Variants in HNRNPH1 observed in about 807,000 individuals in gnomAD.
HNRNPH1 encodes the protein heterogeneous nuclear ribonucleoprotein H.
Under a neutral mutation model 58.6 loss-of-function variants are expected in HNRNPH1, and 4 were observed. The observed-to-expected ratio is 0.07, with a 90% confidence interval of 0.03 to 0.16. HNRNPH1 has a LOEUF of 0.16. Among genes scored for constraint, HNRNPH1 ranks in the 10% least tolerant of loss-of-function variants. The probability of loss-of-function intolerance (pLI) is 1.00; values close to 1 mark genes in which losing one functional copy is unlikely to be tolerated. For synonymous variants in HNRNPH1, 192 were observed against 189.2 expected (o/e 1.01, Z -0.12); for missense variants, 271 against 564.2 (o/e 0.48, Z 5.26).
upstream of HNRNPH1, among the ~76,000 whole-genome samples, chr5:179,627,256 A>AG (rs1774480111): frequency 6.6e-6 from 1 of 152,078 alleles, no homozygotes; most frequent in Non-Finnish European, 1.5e-5. Context: ...CAGTGACACA[A>AG]TCATAACTCA....
At chr5:179,621,458 A>T in intron 1 of HNRNPH1, 61 bp from the exon 3 acceptor site, 1 of 1,422,948 alleles carries the variant, frequency 7.0e-7, no homozygotes. Context: ...TGGGTGACAC[A>T]GATGAAATGT....
chr5:179,615,070 T>C (rs1768851633), intron 12 of HNRNPH1, 111 bp from the exon 14 acceptor site: 1 of 708,720 alleles, frequency 1.4e-6, no homozygotes, highest in Non-Finnish European at 2.5e-6. Flanking sequence ...ATGGCTGCTG[T>C]CCAAGTGGCG....
chr5:179,617,780 G>C lies in HNRNPH1; in HGVS notation c.921+19C>G, dbSNP rs746612505. On this transcript the variant is annotated intron_variant, in intron 7 of 12. Coordinates refer to ENST00000356731, the Ensembl canonical transcript of HNRNPH1. ...CTGCCATACTGAAATATTGACTTGT[G>C]AGTTCATCTCACACTTACATTATAA... 1 of 1,612,920 alleles carries C rather than the reference G, an allele frequency of 6.2e-7. No homozygotes were observed. The highest frequency in any genetic ancestry group is 1.1e-5 in the South Asian group (1 of 91,022).
chr5:179,622,304 CAA>C (rs1300605878), intron 1 of HNRNPH1, among the ~76,000 whole-genome samples: 2 of 152,168 alleles, frequency 1.3e-5, no homozygotes, highest in Non-Finnish European at 2.9e-5. Flanking sequence ...AAACTGGAAA[CAA>C]GAGGTTACAC....
exon 1 of HNRNPH1, chr5:179,623,851 C>A (rs867662474): frequency 1.3e-5 from 2 of 152,326 alleles, no homozygotes; most frequent in Admixed American, 6.5e-5. Context: ...TCAGCACCCC[C>A]ACCCATAAAC....
At chr5:179,634,238 C>A (rs1011974937) in intron 1 of HNRNPH1, 12 of 129,280 alleles carry the variant, frequency 9.3e-5, no homozygotes, top group Non-Finnish European at 2.0e-4. Context: ...GGAGACCCCT[C>A]GCTAAGGAGG....
exon 13 of HNRNPH1, chr5:179,614,743 A>G (rs996027108): frequency 3.0e-6 from 2 of 661,960 alleles, no homozygotes; most frequent in East Asian, 5.6e-5. Flanking sequence ...ATAAATCACA[A>G]GCTTGTATTG....
intron 1 of HNRNPH1, chr5:179,622,002 T>C (rs1048302733): frequency 8.8e-6 from 4 of 455,932 alleles, no homozygotes; most frequent in Non-Finnish European, 1.8e-5. Flanking sequence ...AAGTCAATAC[T>C]ACAAACGTCT....
chr5:179,629,240 T>A (rs1409168447), upstream of HNRNPH1: 1 of 149,954 alleles, frequency 6.7e-6, no homozygotes. Flanking sequence ...GAGCTTGCAG[T>A]GAGCCGAGAT....
chr5:179,622,075 C>G (rs1233981658), intron 1 of HNRNPH1: 1 of 446,188 alleles, frequency 2.2e-6, no homozygotes, highest in Non-Finnish European at 4.5e-6. Context: ...TTTTCCCAGT[C>G]TAATAATAGG....
chr5:179,622,582 G>T (rs1172350959), intron 1 of HNRNPH1, among the ~76,000 whole-genome samples: 1 of 152,072 alleles, frequency 6.6e-6, no homozygotes, highest in African/African-American at 2.4e-5. Context: ...GTGGCGGTGC[G>T]CGCCTCTAGT....
exon 4 of HNRNPH1, chr5:179,619,374 G>A (rs768165779): frequency 6.2e-7 from 1 of 1,612,802 alleles, no homozygotes; most frequent in Admixed American, 1.7e-5. Flanking sequence ...GAAGTCCACC[G>A]GCAATGTTAT....
At chr5:179,623,515 G>A in exon 1 of HNRNPH1, 2 of 176,218 alleles carry the variant, frequency 1.1e-5, no homozygotes, top group Non-Finnish European at 2.5e-5. Flanking sequence ...GGCTCTCGAC[G>A]GCAGCCTGCA....
chr5:179,631,999 G>A (rs1774864359), intron 2 of HNRNPH1, among the ~76,000 whole-genome samples: 1 of 152,150 alleles, frequency 6.6e-6, no homozygotes, highest in Admixed American at 6.5e-5. Flanking sequence ...ACTGCAAGCT[G>A]CGGAGACTTA....
At chr5:179,623,002 C>G (rs1162488801) in intron 1 of HNRNPH1, 35 bp downstream of exon 2, 5 of 1,036,312 alleles carry the variant, frequency 4.8e-6, no homozygotes, top group Non-Finnish European at 5.2e-6. Flanking sequence ...GCCCCGGCCT[C>G]GAACTCGAAC....
At chr5:179,616,522 C>T (rs547644255) in intron 10 of HNRNPH1, 2 of 514,762 alleles carry the variant, frequency 3.9e-6, no homozygotes, top group South Asian at 2.4e-5. Context: ...TTAGTGGGTT[C>T]CCCCTCAGTT....
rs114471407 is a variant in HNRNPH1, at chr5:179,618,766, C to T, written c.537-443G>A. On this transcript the variant is annotated intron_variant, in intron 4 of 12. Coordinates refer to ENST00000356731, the Ensembl canonical transcript of HNRNPH1. ...AGCCTATGCTTTTAGTAAGAATCAG[C>T]ATAGGTAAGCGCATGCTTCAATGAA... 732 of 162,150 alleles carry T rather than the reference C, an allele frequency of 4.5e-3. 3 individuals carry two copies. Among genetic ancestry groups the T allele is most frequent in the Middle Eastern group, 0.019 (6 of 324 alleles). The allele number at this position is 162,150 out of a possible 1,614,324, so 10.0% of individuals were successfully genotyped here. A position where few individuals can be genotyped will look rare whatever the true frequency, so the allele number is the denominator to read the frequency against.
chr5:179,616,882 T>G (rs1430172909), exon 10 of HNRNPH1: 5 of 1,614,122 alleles, frequency 3.1e-6, no homozygotes, highest in Non-Finnish European at 4.2e-6. Flanking sequence ...AGCCCATGCC[T>G]CCCATCATTT....
intron 12 of HNRNPH1, 162 bp downstream of exon 13, chr5:179,615,384 G>A: frequency 1.9e-6 from 1 of 513,036 alleles, no homozygotes; most frequent in South Asian, 3.5e-5. Context: ...TATTCATGGT[G>A]GGCAGGAAGT....
Sources: allele counts gnomAD v4.1 joint callset (sites outside exome capture counted in the v4.1 genomes callset), GRCh38; gene constraint gnomAD v4.1.1; transcripts MANE v1.5; gene names NCBI Gene and HGNC (gene_info 2026-07-23, HGNC 2026-07-21).